The following TF variants were observed in gnomAD, a reference collection of about 807,000 sequenced individuals.
The protein encoded by TF is transferrin, also known as serotransferrin.
Under a neutral mutation model 82.4 loss-of-function variants are expected in TF, and 55 were observed. The observed-to-expected ratio is 0.67, with a 90% confidence interval of 0.54 to 0.84. The LOEUF (loss-of-function observed/expected upper bound fraction) is 0.84. Among genes scored for constraint, TF ranks in the 40% least tolerant of loss-of-function variants. TF has a pLI of 0.00. For missense variants in TF, 737 were observed against 868.4 expected, an observed-to-expected ratio of 0.85 and a Z score of 1.90; for synonymous variants, 332 against 332.6, an observed-to-expected ratio of 1.00 and a Z score of 0.02.
chr3:133,693,771 G>C, the TF span, among the ~76,000 whole-genome samples: 1 of 152,196 alleles, frequency 6.6e-6, no homozygotes, highest in African/African-American at 2.4e-5. Context: ...TGTTTCCTGA[G>C]GTAAAGAAGG....
At chr3:133,677,682 C>CT in the TF span, among the ~76,000 whole-genome samples, 1,099 of 150,816 alleles carry the variant, frequency 7.3e-3, 14 homozygotes, top group Admixed American at 8.8e-3. Context: ...AAAATCATTT[C>CT]TTTTTTTTTC....
chr3:133,743,439 G>T (rs962372797), upstream of TF, among the ~76,000 whole-genome samples: 1 of 151,918 alleles, frequency 6.6e-6, no homozygotes, highest in African/African-American at 2.4e-5. Context: ...TCCCTCTCTC[G>T]GTGTGACCCC....
chr3:133,693,973 C>T, the TF span, among the ~76,000 whole-genome samples: 2 of 152,148 alleles, frequency 1.3e-5, no homozygotes, highest in Admixed American at 6.5e-5. Context: ...GTTCCATCAC[C>T]CCATCAGTGT....
intron 2 of TF, among the ~76,000 whole-genome samples, chr3:133,750,368 C>T (rs1288638762): frequency 6.6e-6 from 1 of 152,120 alleles, no homozygotes; most frequent in Non-Finnish European, 1.5e-5. Flanking sequence ...CAGTTCTCAG[C>T]ACAAAGCAAG....
chr3:133,750,397 G>A lies in TF; in HGVS notation c.216+1813G>A, dbSNP rs575522808. The stretch of plus-strand genomic sequence containing the variant: ...AAGCAAGCAGTAGGTTAGCCGAAGG[G>A]AAAAGGTGGAAGAAACATCCAGATG... On this transcript the variant is annotated intron_variant, in intron 2 of 16. Coordinates refer to ENST00000402696, the MANE Select transcript of TF (RefSeq NM_001063.4). Among the ~76,000 whole-genome samples, 4 of 152,218 alleles carry A rather than the reference G, an allele frequency of 2.6e-5. No homozygotes were observed. In the East Asian group the frequency reaches 7.7e-4, roughly 29 times the overall value.
At chr3:133,756,142 C>CA (rs1266151740) in intron 5 of TF, 140 bp from the exon 6 acceptor site, 13 of 784,892 alleles carry the variant, frequency 1.7e-5, no homozygotes, top group Non-Finnish European at 1.7e-5. Flanking sequence ...TGGAGGTCTG[C>CA]ACACCATGGT....
chr3:133,707,747 T>C, the TF span: 1 of 152,224 alleles, frequency 6.6e-6, no homozygotes, highest in Non-Finnish European at 1.5e-5. Flanking sequence ...TCAAATCTTA[T>C]GATTCTTTTC....
chr3:133,740,366 G>A, the TF span, among the ~76,000 whole-genome samples: 2 of 152,284 alleles, frequency 1.3e-5, no homozygotes, highest in African/African-American at 4.8e-5. Context: ...ATAGCATTAG[G>A]AGAAATACCT....
At chr3:133,666,976 CA>C in the TF span, among the ~76,000 whole-genome samples, 1 of 151,628 alleles carries the variant, frequency 6.6e-6, no homozygotes, top group Non-Finnish European at 1.5e-5. Flanking sequence ...GTGGAGCTTG[CA>C]GTGAGCTGAG....
At chr3:133,765,024 C>G in intron 11 of TF, 117 bp downstream of exon 11, 1 of 987,854 alleles carries the variant, frequency 1.0e-6, no homozygotes, top group Non-Finnish European at 1.6e-6. Context: ...TTTCACAATG[C>G]GAGAGAATCA....
chr3:133,778,182 C>G lies in TF; in HGVS notation c.2063-404C>G, dbSNP rs1934442606. On this transcript the variant is annotated intron_variant, in intron 16 of 16. Coordinates refer to ENST00000402696, the MANE Select transcript of TF (RefSeq NM_001063.4). ...AAGCAGACAGTCTGGCTCTGCTCTTCTTTCCTCCATCCTTAGCCCACAGCA... is the reference window on the plus strand; with the variant it reads ...AAGCAGACAGTCTGGCTCTGCTCTTGTTTCCTCCATCCTTAGCCCACAGCA... 2.6e-5 allele frequency: 6 copies of G among 232,036 alleles called. No individual in the cohort carries two copies. In the South Asian group the frequency reaches 4.0e-4, roughly 16 times the overall value. 14.4% of individuals were successfully genotyped at this position (232,036 alleles called of 1,614,324 possible).
At chr3:133,748,985 C>A (rs975332494) in intron 2 of TF, among the ~76,000 whole-genome samples, 9 of 151,864 alleles carry the variant, frequency 5.9e-5, no homozygotes, top group African/African-American at 1.9e-4. Context: ...CATGGCGAAA[C>A]CCCATCTCTA....
the TF span, among the ~76,000 whole-genome samples, chr3:133,725,751 G>T: frequency 6.6e-6 from 1 of 152,196 alleles, no homozygotes; most frequent in African/African-American, 2.4e-5. Flanking sequence ...CAAAAGGAAT[G>T]CTTCCAGTTT....
the TF span, among the ~76,000 whole-genome samples, chr3:133,678,976 G>A: frequency 3.9e-5 from 6 of 152,072 alleles, 1 homozygote; most frequent in South Asian, 4.1e-4. Flanking sequence ...GGGTTCAAGC[G>A]ATTCTCCTGC....
intron 7 of TF, among the ~76,000 whole-genome samples, 178 bp from the exon 8 acceptor site, chr3:133,757,590 CA>C (rs1485491473): frequency 6.6e-6 from 1 of 152,224 alleles, no homozygotes; most frequent in Non-Finnish European, 1.5e-5. Flanking sequence ...ATCGCGGACC[CA>C]CGAGGGCTAC....
the TF span, among the ~76,000 whole-genome samples, chr3:133,676,293 T>C: frequency 1.3e-5 from 2 of 152,200 alleles, no homozygotes; most frequent in African/African-American, 2.4e-5. Flanking sequence ...AATGAGATAC[T>C]GTATCTAGTG....
At position 133,757,900 on chromosome 3, in the gene TF, G is replaced by A; in HGVS notation, c.1002G>A (p.Leu334=). 6.2e-7 allele frequency: 1 copy of A among 1,614,192 alleles called. No individual in the cohort carries two copies. Among genetic ancestry groups the A allele is most frequent in the Non-Finnish European group, 8.5e-7 (1 of 1,180,038 alleles). ...CCAGGATGGATGCCAAGATGTACCT[G>A]GGCTATGAGTATGTCACTGCCATCC... ...VPPRMDAKMY[L]GYEYVTAIRN... is the part of the protein sequence containing the mutation. Residue 334 remains leucine, a synonymous_variant, in exon 8 of 17, where the codon CTG becomes CTA. Transcript: ENST00000402696.
At chr3:133,674,960 G>A in the TF span, among the ~76,000 whole-genome samples, 147 of 152,138 alleles carry the variant, frequency 9.7e-4, 1 homozygote, top group Non-Finnish European at 1.8e-3. Context: ...GGTTGAAAGG[G>A]AAAGGCCAGA....
the TF span, among the ~76,000 whole-genome samples, chr3:133,679,194 T>C: frequency 6.6e-6 from 1 of 152,118 alleles, no homozygotes; most frequent in Non-Finnish European, 1.5e-5. Context: ...TTTAATTTTT[T>C]AAATTTTTAT....
Sources: gnomAD v4.1 joint callset for allele counts (sites outside exome capture counted in the v4.1 genomes callset) on GRCh38, gnomAD v4.1.1 for gene constraint, MANE v1.5 for transcripts, NCBI Gene and HGNC (gene_info 2026-07-23, HGNC 2026-07-21) for gene names.